The following ACAT2 variants were observed in gnomAD, a reference collection of about 807,000 sequenced individuals.
ACAT2 encodes the protein acetyl-CoA acetyltransferase, cytosolic.
Under a neutral mutation model 37.1 loss-of-function variants are expected in ACAT2, and 26 were observed. That is an observed-to-expected ratio of 0.70 (90% confidence interval 0.51 to 0.97). The LOEUF is 0.97. ACAT2 is among the 50% of genes least tolerant of loss of function. The pLI, the probability that ACAT2 is intolerant of heterozygous loss-of-function variation, is 0.00. For missense variants in ACAT2, 468 were observed against 489.0 expected, an observed-to-expected ratio of 0.96 and a Z score of 0.40; for synonymous variants, 156 against 163.6, an observed-to-expected ratio of 0.95 and a Z score of 0.35.
chr6:159,775,081 G>A, intron 4 of ACAT2, 89 bp from the exon 5 acceptor site: 1 of 1,450,916 alleles, frequency 6.9e-7, no homozygotes, highest in Non-Finnish European at 9.4e-7. Flanking sequence ...TATGTGGTCA[G>A]TCAGTGCTTG....
At chr6:159,775,464 G>C in intron 5 of ACAT2, 151 bp downstream of exon 5, 1 of 879,264 alleles carries the variant, frequency 1.1e-6, no homozygotes, top group Non-Finnish European at 1.7e-6. Context: ...GTGGGGAGGG[G>C]GTATGCTGGG....
At chr6:159,765,177 G>C (rs977115209) in intron 2 of ACAT2, among the ~76,000 whole-genome samples, 1 of 151,256 alleles carries the variant, frequency 6.6e-6, no homozygotes, top group Non-Finnish European at 1.5e-5. Flanking sequence ...GTGCAGTGAC[G>C]CAATCTTGGC....
chr6:159,763,040 T>C lies in ACAT2; in HGVS notation c.177T>C (p.His59=). 3 of 1,611,878 alleles carry C rather than the reference T, an allele frequency of 1.9e-6. No individual in the cohort carries two copies. Among genetic ancestry groups the C allele is most frequent in the Middle Eastern group, 3.3e-4 (2 of 6,040 alleles). The change falls in exon 2 of 9, where the codon CAT becomes CAC. Residue 59 remains histidine (H), a synonymous_variant. Transcript: ENST00000367048. The part of the protein sequence containing the change: ...PEDVSEVIFG[H]VLAAGCGQNP... ...ATGTGTCTGAGGTCATCTTTGGACA[T>C]GTCTTGGCAGCAGGTAAGTCTCAGT...
In ACAT2 at chr6:159,778,636, C is replaced by A. The variant is rs755963322; in HGVS notation, c.1024-23C>A. ...CTGTGTCCACAGAAGAATAAACAAT[C>A]TAAATCTTTTCTCCCCCGTTAGGTC... On this transcript the variant is annotated intron_variant, in intron 8 of 8. Transcript: ENST00000367048. 7 of 1,610,488 alleles carry A rather than the reference C, an allele frequency of 4.3e-6. No individual in the cohort carries two copies. The African/African-American group carries it at 8.0e-5, about 18-fold the overall frequency.
chr6:159,771,977 G>A (rs1780344973), intron 4 of ACAT2, among the ~76,000 whole-genome samples: 1 of 152,156 alleles, frequency 6.6e-6, no homozygotes, highest in African/African-American at 2.4e-5. Context: ...TGTAATCCTA[G>A]CACTTTGGGA....
chr6:159,778,387 C>CTAGTTACTA (rs1780474572), intron 8 of ACAT2, 107 bp downstream of exon 8: 12 of 498,206 alleles, frequency 2.4e-5, no homozygotes, highest in Non-Finnish European at 3.5e-5. Context: ...TAAAGAAATA[C>CTAGTTACTA]TAGTTACTAG....
chr6:159,768,309 C>T (rs370695487), intron 3 of ACAT2, among the ~76,000 whole-genome samples: 75 of 152,220 alleles, frequency 4.9e-4, no homozygotes, highest in South Asian at 1.7e-3. Flanking sequence ...GGAGAGTAAT[C>T]GTTCCCAACA....
At chr6:159,762,857 T>G in intron 1 of ACAT2, 62 bp from the exon 2 acceptor site, 1 of 1,597,864 alleles carries the variant, frequency 6.3e-7, no homozygotes, top group Non-Finnish European at 8.5e-7. Flanking sequence ...CCCCTGCTCG[T>G]AGGTGGTTCC....
Position 159,762,258 on chromosome 6 carries a change from G to T in ACAT2, c.55+116G>T, listed in dbSNP as rs567335523. The T allele has an allele frequency of 4.9e-5, 66 of 1,340,162 alleles. No individual in the cohort carries two copies. The African/African-American group carries it at 5.2e-4, about 11-fold the overall frequency. The allele number at this position is 1,340,162 out of a possible 1,614,324, so 83.0% of individuals were successfully genotyped here. A position where few individuals can be genotyped will look rare whatever the true frequency, so the allele number is the denominator to read the frequency against. ...ATGTGGAGGAAGCCGGTCAGGCCAA[G>T]CCGCGAGGAGCCGCGGGATCCCTGG... is the stretch of plus-strand genomic sequence containing the variant. On this transcript the variant is annotated intron_variant, in intron 1 of 8. Coordinates refer to ENST00000367048, the MANE Select transcript of ACAT2 (RefSeq NM_005891.3).
In ACAT2 at chr6:159,778,799, GGGAAT is replaced by G; in HGVS notation, c.1165_1169del (p.Gly389SerfsTer26). The G allele has an allele frequency of 6.2e-7, 1 of 1,614,180 alleles. No individual in the cohort carries two copies. The highest frequency in any genetic ancestry group is 8.5e-7 in the Non-Finnish European group (1 of 1,180,038). Reference sequence around the variant, plus strand: ...CAGCCCTGTGCATTGGGGGTGGGATGGGAATAGCAATGTGTGTTCAGAGAGAATGA... The same window carrying G: ...CAGCCCTGTGCATTGGGGGTGGGATGAGCAATGTGTGTTCAGAGAGAATGA... On this transcript the variant is annotated frameshift_variant, in exon 9 of 9. Coordinates refer to ENST00000367048, the MANE Select transcript of ACAT2 (RefSeq NM_005891.3). LOFTEE classifies it high-confidence loss of function.
At chr6:159,778,444 A>T in intron 8 of ACAT2, 164 bp downstream of exon 8, 2 of 677,234 alleles carry the variant, frequency 3.0e-6, no homozygotes, top group Non-Finnish European at 4.7e-6. Context: ...AAAAAAAAAA[A>T]AAAAAGACAT....
At chr6:159,772,191 C>T (rs1330045735) in intron 4 of ACAT2, among the ~76,000 whole-genome samples, 1 of 152,154 alleles carries the variant, frequency 6.6e-6, no homozygotes, top group African/African-American at 2.4e-5. Context: ...TGCACCATTG[C>T]ACTCCAGCCT....
chr6:159,771,964 G>T (rs537969930), intron 4 of ACAT2, among the ~76,000 whole-genome samples: 1 of 152,262 alleles, frequency 6.6e-6, no homozygotes, highest in East Asian at 1.9e-4. Flanking sequence ...GGTGGCTCAC[G>T]CCTGTAATCC....
rs759866577 is a variant in ACAT2, at chr6:159,778,811, G to C, written c.1176G>C (p.Met392Ile). 2 of 1,614,062 alleles carry C rather than the reference G, an allele frequency of 1.2e-6. No individual in the cohort carries two copies. The highest frequency in any genetic ancestry group is 1.7e-5 in the Admixed American group (1 of 60,000). ...TTGGGGGTGGGATGGGAATAGCAAT[G>C]TGTGTTCAGAGAGAATGAATTGCTT... ...LCIGGGMGIA[M>I]CVQRE Residue 392 changes from methionine to isoleucine, a missense_variant, in exon 9 of 9, where the codon ATG (methionine) becomes ATC (isoleucine). Met to Ile is a conservative substitution (Grantham distance 10). Transcript: ENST00000367048.
chr6:159,775,436 T>G, intron 5 of ACAT2, 123 bp downstream of exon 5: 1 of 1,153,372 alleles, frequency 8.7e-7, no homozygotes, highest in Non-Finnish European at 1.2e-6. Context: ...TGCAAATATA[T>G]GTCCTGGATA....
chr6:159,777,466 ACCCTATT>A lies in ACAT2; in HGVS notation c.912+15_912+21del. On this transcript the variant is annotated intron_variant, in intron 7 of 8. Transcript: ENST00000367048. The stretch of plus-strand genomic sequence containing the variant: ...AGCCATAAAGCAAGCTGTGAGTATA[ACCCTATT>A]CCCTTTTATGAAATTTGTCTTCCTG... 6.2e-7 allele frequency: 1 copy of A among 1,605,050 alleles called. No homozygotes were observed. Among genetic ancestry groups the A allele is most frequent in the Non-Finnish European group, 8.5e-7 (1 of 1,177,134 alleles).
chr6:159,770,982 T>C (rs1220310550), intron 4 of ACAT2, among the ~76,000 whole-genome samples: 1 of 152,074 alleles, frequency 6.6e-6, no homozygotes, highest in African/African-American at 2.4e-5. Context: ...GAAGAATAGC[T>C]TGAACCCAGG....
At chr6:159,778,447 A>G in intron 8 of ACAT2, 167 bp downstream of exon 8, 1 of 671,716 alleles carries the variant, frequency 1.5e-6, no homozygotes, top group South Asian at 2.4e-5. Flanking sequence ...AAAAAAAAAA[A>G]AAGACATTGG....
At chr6:159,766,070 G>A (rs1034203124) in intron 2 of ACAT2, among the ~76,000 whole-genome samples, 6 of 152,116 alleles carry the variant, frequency 3.9e-5, no homozygotes, top group African/African-American at 1.4e-4. Context: ...AGTAAATTAT[G>A]TATTTCTTCC....
Sources: gnomAD v4.1 joint callset for allele counts (sites outside exome capture counted in the v4.1 genomes callset) on GRCh38, gnomAD v4.1.1 for gene constraint, MANE v1.5 for transcripts, NCBI Gene and HGNC (gene_info 2026-07-23, HGNC 2026-07-21) for gene names.